CTNNA2: variants seen among roughly 807,000 people sequenced by gnomAD.
CTNNA2 encodes catenin alpha-2.
In CTNNA2, 42 loss-of-function variants were observed where a neutral mutation model predicts 101.0. The observed-to-expected ratio is 0.42, with a 90% CI of 0.32 to 0.54. The LOEUF (loss-of-function observed/expected upper bound fraction) is 0.54. Among genes scored for constraint, CTNNA2 ranks in the 20% least tolerant of loss-of-function variants. The probability of loss-of-function intolerance (pLI) is 0.14; values close to 1 mark genes in which losing one functional copy is unlikely to be tolerated. For synonymous variants in CTNNA2, 450 were observed against 456.4 expected (o/e 0.99, Z 0.18); for missense variants, 871 against 1,223.1 (o/e 0.71, Z 4.29).
chr2:79,317,860 A>G (rs1676531642), intron 3 of CTNNA2, among the ~76,000 whole-genome samples: 2 of 152,094 alleles, frequency 1.3e-5, no homozygotes, highest in South Asian at 4.1e-4. Flanking sequence ...AAACATTGGA[A>G]TAAACACATT....
intron 7 of CTNNA2, among the ~76,000 whole-genome samples, chr2:80,031,030 T>G (rs923374450): frequency 2.0e-5 from 3 of 152,160 alleles, no homozygotes; most frequent in African/African-American, 7.2e-5. Flanking sequence ...ACAGCTTTCC[T>G]GGAAGGCAAT....
At chr2:80,642,120 T>C (rs764954126) in intron 18 of CTNNA2, among the ~76,000 whole-genome samples, 3 of 152,174 alleles carry the variant, frequency 2.0e-5, no homozygotes, top group Non-Finnish European at 2.9e-5. Flanking sequence ...ATCCTTTATA[T>C]TTCCGCAATC....
At position 79,295,506 on chromosome 2, in the gene CTNNA2, TTTTC is replaced by T. The variant is rs1181501128; in HGVS notation, c.-405-17187_-405-17184del. On this transcript the variant is annotated intron_variant, in intron 2 of 21. Coordinates refer to the CTNNA2 transcript ENST00000466387. ...TGGATTTTTCTTTTCTTTTTTTTCT[TTTTC>T]TTTCTTTCTTTCTTTTTTTTTTATT... Among the ~76,000 whole-genome samples the T allele has an allele frequency of 7.9e-5, 12 of 152,164 alleles. No individual in the cohort carries two copies. The South Asian group carries it at 1.0e-3, about 13-fold the overall frequency.
At chr2:79,380,534 G>A (rs907121201) in intron 4 of CTNNA2, among the ~76,000 whole-genome samples, 12 of 152,134 alleles carry the variant, frequency 7.9e-5, no homozygotes, top group Admixed American at 4.6e-4. Context: ...TGTGAATTCA[G>A]TTACTCTAAG....
At chr2:79,359,327 T>C (rs147050830) in intron 3 of CTNNA2, among the ~76,000 whole-genome samples, 3 of 152,308 alleles carry the variant, frequency 2.0e-5, no homozygotes, top group African/African-American at 7.2e-5. Context: ...TCTTTAAGTC[T>C]CAGTTCTCTC....
chr2:79,987,169 C>T lies in CTNNA2; in HGVS notation c.1056+77372C>T, dbSNP rs55929831. Among the ~76,000 whole-genome samples, 502 of 152,338 alleles carry T rather than the reference C, an allele frequency of 3.3e-3. 1 individual carries two copies. Among genetic ancestry groups the T allele is most frequent in the African/African-American group, 0.011 (474 of 41,584 alleles). The stretch of plus-strand genomic sequence containing the variant: ...AAGGTCAAGCCCAGCACTGGCCCCT[C>T]ACCCCAGCCAGGGCGTCAGCCTGTG... On this transcript the variant is annotated intron_variant, in intron 7 of 18. Coordinates refer to ENST00000402739, the MANE Select transcript of CTNNA2 (RefSeq NM_001282597.3).
intron 7 of CTNNA2, among the ~76,000 whole-genome samples, chr2:79,921,062 A>G (rs1021398967): frequency 2.0e-5 from 3 of 152,198 alleles, no homozygotes; most frequent in African/African-American, 7.2e-5. Context: ...ATGTACCTGA[A>G]GAGATACATC....
rs114703699 is a variant in CTNNA2 at position 79,679,187 on chromosome 2, T to C, written c.102+27529T>C. 7.8e-3 allele frequency among the ~76,000 whole-genome samples: 1,184 copies of C among 152,354 alleles called. 16 individuals are homozygous for C. The highest frequency in any genetic ancestry group is 0.027 in the African/African-American group (1,118 of 41,584). On this transcript the variant is annotated intron_variant, in intron 2 of 18. Coordinates refer to ENST00000402739, the MANE Select transcript of CTNNA2 (RefSeq NM_001282597.3). Reference sequence around the variant, plus strand: ...ATTTAGTTTTAACAGTGGGTTTTCCTGGTGTATCTAAAATATAGTTTAACT... The same window carrying C: ...ATTTAGTTTTAACAGTGGGTTTTCCCGGTGTATCTAAAATATAGTTTAACT...
At chr2:79,257,367 T>A (rs1341072527) in intron 2 of CTNNA2, among the ~76,000 whole-genome samples, 1 of 152,078 alleles carries the variant, frequency 6.6e-6, no homozygotes, top group Non-Finnish European at 1.5e-5. Flanking sequence ...ATTTGTTTGC[T>A]TGCTTGTTGG....
chr2:79,731,098 T>C (rs1687166799), intron 2 of CTNNA2, among the ~76,000 whole-genome samples: 1 of 152,028 alleles, frequency 6.6e-6, no homozygotes, highest in African/African-American at 2.4e-5. Context: ...TATCAAAATA[T>C]GGGTTTGTTT....
At chr2:79,244,973 T>C (rs1254079175) in intron 2 of CTNNA2, among the ~76,000 whole-genome samples, 1 of 151,876 alleles carries the variant, frequency 6.6e-6, no homozygotes, top group Non-Finnish European at 1.5e-5. Flanking sequence ...CATGTGCCTA[T>C]AATCCCAGCT....
intron 1 of CTNNA2, among the ~76,000 whole-genome samples, chr2:79,521,946 G>T (rs1672141533): frequency 6.6e-6 from 1 of 152,172 alleles, no homozygotes; most frequent in South Asian, 2.1e-4. Flanking sequence ...GCACATTGGG[G>T]CCCATGGAGT....
At chr2:79,726,685 G>A (rs1384913819) in intron 2 of CTNNA2, among the ~76,000 whole-genome samples, 6 of 152,130 alleles carry the variant, frequency 3.9e-5, no homozygotes, top group Non-Finnish European at 5.9e-5. Context: ...GAATAATAAT[G>A]TACACTTTAC....
chr2:79,188,938 T>C (rs1441002448), intron 1 of CTNNA2, among the ~76,000 whole-genome samples: 2 of 152,220 alleles, frequency 1.3e-5, no homozygotes, highest in African/African-American at 4.8e-5. Context: ...AGTGCAGAGA[T>C]GAACTATAAG....
intron 4 of CTNNA2, among the ~76,000 whole-genome samples, chr2:79,402,189 C>G (rs968869711): frequency 6.6e-6 from 1 of 151,840 alleles, no homozygotes; most frequent in Non-Finnish European, 1.5e-5. Context: ...AAGAAATAGA[C>G]AGCTGAATAA....
intron 2 of CTNNA2, among the ~76,000 whole-genome samples, chr2:79,659,900 A>G (rs1410840410): frequency 6.6e-6 from 1 of 152,160 alleles, no homozygotes; most frequent in Non-Finnish European, 1.5e-5. Context: ...GGCTGAGACA[A>G]GAGAATTGCT....
chr2:79,516,602 G>T (rs960884532), intron 1 of CTNNA2, among the ~76,000 whole-genome samples: 1 of 152,176 alleles, frequency 6.6e-6, no homozygotes, highest in Non-Finnish European at 1.5e-5. Flanking sequence ...ACTGGGTTAA[G>T]ACAACTTCTA....
At chr2:79,335,474 TC>T (rs1198342780) in intron 3 of CTNNA2, among the ~76,000 whole-genome samples, 1 of 152,196 alleles carries the variant, frequency 6.6e-6, no homozygotes, top group Non-Finnish European at 1.5e-5. Flanking sequence ...AATGAGTCAA[TC>T]TTATGAATTT....
chr2:79,941,495 A>G (rs1421057334), intron 7 of CTNNA2, among the ~76,000 whole-genome samples: 1 of 152,182 alleles, frequency 6.6e-6, no homozygotes, highest in Admixed American at 6.5e-5. Context: ...TAATCTCACT[A>G]ATGGTATTGC....
Sources: allele counts gnomAD v4.1 joint callset (sites outside exome capture counted in the v4.1 genomes callset), GRCh38; gene constraint gnomAD v4.1.1; transcripts MANE v1.5; gene names NCBI Gene and HGNC (gene_info 2026-07-23, HGNC 2026-07-21).